EPHA6: variants seen among roughly 807,000 people sequenced by gnomAD.
EPHA6 encodes the protein EPH receptor A6.
In EPHA6, 50 loss-of-function variants were observed where a neutral mutation model predicts 112.0. That is an observed-to-expected ratio of 0.45 (90% confidence interval 0.36 to 0.56). The LOEUF is 0.56. Among genes scored for constraint, EPHA6 ranks in the 20% least tolerant of loss-of-function variants. The pLI is 0.00. For missense variants in EPHA6, 1,280 were observed against 1,417.4 expected, an observed-to-expected ratio of 0.90 and a Z score of 1.56; for synonymous variants, 529 against 490.7, an observed-to-expected ratio of 1.08 and a Z score of -1.03.
At chr3:97,053,769 G>A (rs942040805) in intron 3 of EPHA6, among the ~76,000 whole-genome samples, 1 of 152,026 alleles carries the variant, frequency 6.6e-6, no homozygotes, top group African/African-American at 2.4e-5. Flanking sequence ...ACATTTATCC[G>A]AATGAGGGAT....
At chr3:97,582,771 T>C (rs532993412) in intron 11 of EPHA6, among the ~76,000 whole-genome samples, 1 of 152,270 alleles carries the variant, frequency 6.6e-6, no homozygotes, top group East Asian at 1.9e-4. Flanking sequence ...CCACACCATA[T>C]AGATGCCATT....
At chr3:97,466,367 C>A in intron 7 of EPHA6, 1 of 1,608,018 alleles carries the variant, frequency 6.2e-7, no homozygotes, top group South Asian at 1.1e-5. Context: ...TGCCCCATAT[C>A]AGCATTTACA....
intron 3 of EPHA6, among the ~76,000 whole-genome samples, chr3:97,032,189 T>C (rs1321431307): frequency 6.6e-6 from 1 of 151,968 alleles, no homozygotes; most frequent in South Asian, 2.1e-4. Flanking sequence ...CAGAAAACTA[T>C]CGCAAGGACA....
At chr3:96,861,096 G>T (rs1354881873) in intron 1 of EPHA6, among the ~76,000 whole-genome samples, 1 of 152,018 alleles carries the variant, frequency 6.6e-6, no homozygotes, top group African/African-American at 2.4e-5. Flanking sequence ...GCTGGTAATA[G>T]CAGGTTTTAG....
Position 96,820,096 on chromosome 3 carries a change from C to T in EPHA6, c.385+5088C>T, listed in dbSNP as rs181949980. Among the ~76,000 whole-genome samples, 24 of 151,910 alleles carry T rather than the reference C, an allele frequency of 1.6e-4. No individual in the cohort carries two copies. In the East Asian group the frequency reaches 3.1e-3, roughly 20 times the overall value. On this transcript the variant is annotated intron_variant, in intron 1 of 17. Transcript: ENST00000389672. ...GTGGAAACTGACTGAGCAAGGGTCT[C>T]GAAGAGAAATGAGCTTGACACATTT... is the stretch of plus-strand genomic sequence containing the variant.
Position 97,020,379 on chromosome 3 carries a change from G to C in EPHA6, c.1114+32386G>C, listed in dbSNP as rs149395632. Among the ~76,000 whole-genome samples the C allele has an allele frequency of 8.5e-5, 13 of 152,240 alleles. No individual in the cohort carries two copies. The East Asian group carries it at 2.5e-3, about 29-fold the overall frequency. On this transcript the variant is annotated intron_variant, in intron 3 of 17. Coordinates refer to ENST00000389672, the MANE Select transcript of EPHA6 (RefSeq NM_001080448.3). Reference sequence around the variant, plus strand: ...ATCAGGTCATTATAGCGAAATAATAGGACAACATGTTATGTAACTCTGGAC... The same window carrying C: ...ATCAGGTCATTATAGCGAAATAATACGACAACATGTTATGTAACTCTGGAC...
intron 2 of EPHA6, among the ~76,000 whole-genome samples, chr3:96,917,889 A>G (rs1258623636): frequency 6.6e-6 from 1 of 152,210 alleles, no homozygotes; most frequent in Non-Finnish European, 1.5e-5. Context: ...TAGAAGCTCC[A>G]TAGCAATGGA....
intron 3 of EPHA6, among the ~76,000 whole-genome samples, chr3:97,117,562 G>T (rs1266253429): frequency 2.0e-5 from 3 of 151,670 alleles, no homozygotes; most frequent in East Asian, 3.9e-4. Context: ...AGCACCATTT[G>T]TTGGAGAGAT....
At chr3:97,742,294 C>T (rs1576388322) in intron 16 of EPHA6, among the ~76,000 whole-genome samples, 2 of 152,110 alleles carry the variant, frequency 1.3e-5, no homozygotes, top group African/African-American at 2.4e-5. Flanking sequence ...ATTTTCTGAT[C>T]CTGGATTACT....
intron 5 of EPHA6, 72 bp from the exon 6 acceptor site, chr3:97,405,078 G>C: frequency 6.7e-7 from 1 of 1,495,968 alleles, no homozygotes; most frequent in East Asian, 2.5e-5. Context: ...CCTTGGAAGA[G>C]AAAATATTAA....
rs184422209 is a variant in EPHA6 at position 97,493,923 on chromosome 3, A to T, written c.2200+9864A>T. Among the ~76,000 whole-genome samples, 4 of 152,294 alleles carry T rather than the reference A, an allele frequency of 2.6e-5. No individual in the cohort carries two copies. The South Asian group carries it at 6.2e-4, about 24-fold the overall frequency. ...ATAGGTCTCCCAGAGTAAAATCTAT[A>T]AAGATGGTACAATTTCAGTTACTTT... On this transcript the variant is annotated intron_variant, in intron 10 of 17. Transcript: ENST00000389672.
intron 2 of EPHA6, among the ~76,000 whole-genome samples, chr3:96,881,716 C>G (rs914096359): frequency 2.0e-5 from 3 of 152,148 alleles, no homozygotes; most frequent in Admixed American, 6.5e-5. Flanking sequence ...AAAGTCTCAT[C>G]CAAGACAAGG....
chr3:97,633,532 A>G (rs1321021678), intron 13 of EPHA6, among the ~76,000 whole-genome samples: 1 of 152,104 alleles, frequency 6.6e-6, no homozygotes, highest in Non-Finnish European at 1.5e-5. Flanking sequence ...TTGAATTAAT[A>G]TTTATCGAGT....
At chr3:96,862,729 A>C (rs2036080013) in intron 1 of EPHA6, among the ~76,000 whole-genome samples, 1 of 151,968 alleles carries the variant, frequency 6.6e-6, no homozygotes. Flanking sequence ...ATTTACTGAA[A>C]TGATGTAGAT....
chr3:96,928,549 A>G (rs72916446), intron 2 of EPHA6, among the ~76,000 whole-genome samples: 2 of 152,050 alleles, frequency 1.3e-5, no homozygotes, highest in Non-Finnish European at 1.5e-5. Context: ...TTGTGTGTCA[A>G]TTTGAGAGTA....
chr3:97,237,057 C>T (rs2078699666), intron 4 of EPHA6, among the ~76,000 whole-genome samples: 1 of 151,848 alleles, frequency 6.6e-6, no homozygotes, highest in East Asian at 1.9e-4. Context: ...TTCCATCTCA[C>T]AACTGAAATT....
intron 2 of EPHA6, among the ~76,000 whole-genome samples, chr3:96,891,456 G>A: frequency 6.6e-6 from 1 of 151,630 alleles, no homozygotes; most frequent in South Asian, 2.1e-4. Context: ...TTAAAATGCT[G>A]GTAAAACACT....
intron 2 of EPHA6, among the ~76,000 whole-genome samples, chr3:96,970,283 A>G (rs1026576235): frequency 6.7e-6 from 1 of 149,164 alleles, no homozygotes; most frequent in African/African-American, 2.5e-5. Context: ...ACACACACAC[A>G]GAGCGAGAGA....
In EPHA6 at chr3:96,814,638, G is replaced by A. The variant is rs1318511709; in HGVS notation, c.15G>A (p.Ser5=). 2 of 1,467,634 alleles carry A rather than the reference G, an allele frequency of 1.4e-6. No homozygotes were observed. The highest frequency in any genetic ancestry group is 2.4e-5 in the East Asian group (1 of 42,190). The allele number at this position is 1,467,634 out of a possible 1,614,324, so 90.9% of individuals were successfully genotyped here. Residue 5 remains serine, a synonymous_variant, in exon 1 of 18, where the codon TCG becomes TCA. Transcript: ENST00000389672. ...CACTGTGGTGGATGCAATTCCCCTC[G>A]CCTCCAGCCGCGAGGAGCTCCCCGG... MQFP[S]PPAARSSPAP... is the part of the protein sequence containing the mutation.
Sources: gnomAD v4.1 joint callset for allele counts (sites outside exome capture counted in the v4.1 genomes callset) on GRCh38, gnomAD v4.1.1 for gene constraint, MANE v1.5 for transcripts, NCBI Gene and HGNC (gene_info 2026-07-23, HGNC 2026-07-21) for gene names.